TRIO: variants seen among roughly 807,000 people sequenced by gnomAD.
TRIO encodes trio Rho guanine nucleotide exchange factor.
TRIO carries 58 observed loss-of-function variants against 351.9 expected under a neutral mutation model. The observed-to-expected ratio is 0.16, with a 90% CI of 0.13 to 0.21. The LOEUF is 0.21. Among genes scored for constraint, TRIO ranks in the 10% least tolerant of loss-of-function variants. The pLI is 1.00. For missense variants in TRIO, 3,201 were observed against 4,027.8 expected (o/e 0.79, Z 5.56); for synonymous variants, 1,758 against 1,595.7 (o/e 1.10, Z -2.42).
Position 14,485,065 on chromosome 5 carries a change from T to TTA in TRIO, c.6658-4_6658-3insTA. On this transcript the variant is annotated splice_region_variant and splice_polypyrimidine_tract_variant and intron_variant, in intron 46 of 56. Coordinates refer to ENST00000344204, the MANE Select transcript of TRIO (RefSeq NM_007118.4). The stretch of plus-strand genomic sequence containing the variant: ...ATTATGAATAATGTTTTTTTTTTTT[T>TTA]AAGGTGAGTTGCCTTTGCCTGGAGG... The TTA allele has an allele frequency of 6.6e-7, 1 of 1,525,668 alleles. No individual in the cohort carries two copies. The highest frequency in any genetic ancestry group is 1.3e-5 in the South Asian group (1 of 78,516). 94.5% of individuals were successfully genotyped at this position (1,525,668 alleles called of 1,614,324 possible). A position where few individuals can be genotyped will look rare whatever the true frequency, so the allele number is the denominator to read the frequency against.
Position 14,471,460 on chromosome 5 carries a change from G to A in TRIO, c.5906G>A (p.Arg1969Lys), listed in dbSNP as rs1345508748. ...GAAAGGAAATCCAGCTCTTTAAAGA[G>A]AAGACAGTAAGACAGAAATGTTTTC... ...MEERKSSSLKRRHYVLQELVE... is the reference protein window; with the variant it reads ...MEERKSSSLKKRHYVLQELVE... Residue 1969 changes from arginine to lysine, a missense_variant, in exon 38 of 57, where the codon AGA becomes AAA. Physicochemically the swap from Arg to Lys is conservative, Grantham distance 26. Transcript: ENST00000344204. 1 of 1,614,126 alleles carries A rather than the reference G, an allele frequency of 6.2e-7. No individual in the cohort carries two copies. Among genetic ancestry groups the A allele is most frequent in the South Asian group, 1.1e-5 (1 of 91,074 alleles).
chr5:14,293,249 G>T lies in TRIO; in HGVS notation c.1176+115G>T, dbSNP rs116795066. 6.9e-4 allele frequency: 990 copies of T among 1,432,926 alleles called. 8 individuals are homozygous for T. The African/African-American group carries it at 0.012, about 18-fold the overall frequency. 88.8% of individuals were successfully genotyped at this position (1,432,926 alleles called of 1,614,324 possible). On this transcript the variant is annotated intron_variant, in intron 6 of 56. Coordinates refer to ENST00000344204, the MANE Select transcript of TRIO (RefSeq NM_007118.4). ...GGGGCCTTCGGAGTGGCTGTTGATTGTAGCAGCTGACCTTCACATGGAGGG... is the reference window on the plus strand; with the variant it reads ...GGGGCCTTCGGAGTGGCTGTTGATTTTAGCAGCTGACCTTCACATGGAGGG...
intron 34 of TRIO, among the ~76,000 whole-genome samples, chr5:14,445,433 A>C (rs905893793): frequency 2.0e-5 from 3 of 152,246 alleles, no homozygotes; most frequent in Non-Finnish European, 4.4e-5. Context: ...GCAGCCACTA[A>C]TCACGTTGGA....
chr5:14,169,134 A>G (rs1788950064), intron 1 of TRIO, among the ~76,000 whole-genome samples: 1 of 150,502 alleles, frequency 6.6e-6, no homozygotes, highest in South Asian at 2.1e-4. Context: ...GGGAAATTTG[A>G]GACATCCTGG....
chr5:14,495,658 GAAAAAAAAAAAAAAAAAAA>G (rs56018324), intron 49 of TRIO, among the ~76,000 whole-genome samples: 1 of 32,584 alleles, frequency 3.1e-5, no homozygotes, highest in East Asian at 1.4e-3. Context: ...GTCTCTACTA[GAAAAAAAAAAAAAAAAAAA>G]AAAAAAAAAG....
At chr5:14,271,529 A>G (rs1412681311) in intron 2 of TRIO, among the ~76,000 whole-genome samples, 3 of 152,204 alleles carry the variant, frequency 2.0e-5, no homozygotes, top group Non-Finnish European at 2.9e-5. Context: ...TCTTCTGCAC[A>G]TAGTCAGCGT....
At chr5:14,174,713 G>C (rs1236098667) in intron 1 of TRIO, among the ~76,000 whole-genome samples, 1 of 152,214 alleles carries the variant, frequency 6.6e-6, no homozygotes, top group Non-Finnish European at 1.5e-5. Flanking sequence ...GTAGAGGTCA[G>C]ATCGCCAAAT....
chr5:14,444,833 G>T (rs1177917973), intron 34 of TRIO, among the ~76,000 whole-genome samples: 1 of 152,126 alleles, frequency 6.6e-6, no homozygotes, highest in Non-Finnish European at 1.5e-5. Context: ...ATAAAATCTT[G>T]AAATATTAGA....
chr5:14,486,858 G>T (rs553232620), intron 47 of TRIO, among the ~76,000 whole-genome samples: 2 of 152,192 alleles, frequency 1.3e-5, no homozygotes, highest in Admixed American at 1.3e-4. Context: ...GGCTGGGGCT[G>T]GGGGGCTGCA....
intron 34 of TRIO, among the ~76,000 whole-genome samples, chr5:14,457,569 T>C (rs27104): frequency 0.21 from 32,407 of 152,016 alleles, 3,654 homozygotes; most frequent in Middle Eastern, 0.37. Flanking sequence ...CCTTTTCTTC[T>C]TGAACCATTT....
chr5:14,345,466 G>C (rs1742337052), intron 11 of TRIO, among the ~76,000 whole-genome samples: 1 of 152,008 alleles, frequency 6.6e-6, no homozygotes, highest in Admixed American at 6.5e-5. Flanking sequence ...AGTAGGACTT[G>C]ATTAATGTAA....
chr5:14,163,915 A>G (rs998633702), intron 1 of TRIO, among the ~76,000 whole-genome samples: 1 of 152,208 alleles, frequency 6.6e-6, no homozygotes, highest in Non-Finnish European at 1.5e-5. Flanking sequence ...TGTGTCATAC[A>G]GTAGGAAATT....
chr5:14,488,138 G>T lies in TRIO; in HGVS notation c.7510G>T (p.Gly2504Trp). ...CCGACCCGGCTCCTTCACCTTCCCGGGGGACAGCGACTCCCTCCAGCGGCA... is the reference window on the plus strand; with the variant it reads ...CCGACCCGGCTCCTTCACCTTCCCGTGGGACAGCGACTCCCTCCAGCGGCA... ...ASRPGSFTFP[G>W]DSDSLQRQTP... Residue 2504 changes from glycine to tryptophan, a missense_variant, in exon 48 of 57, where the codon GGG (glycine) becomes TGG (tryptophan). Physicochemically the swap from Gly to Trp is radical, Grantham distance 184. This residue lies in a region of TRIO where 1,089 missense variants were observed against 954.9 expected (regional missense o/e 1.14). Coordinates refer to ENST00000344204, the MANE Select transcript of TRIO (RefSeq NM_007118.4). The T allele has an allele frequency of 6.2e-7, 1 of 1,608,168 alleles. No homozygotes were observed. The highest frequency in any genetic ancestry group is 8.5e-7 in the Non-Finnish European group (1 of 1,179,494).
At chr5:14,478,802 A>C (rs1755295241) in intron 41 of TRIO, among the ~76,000 whole-genome samples, 1 of 151,780 alleles carries the variant, frequency 6.6e-6, no homozygotes. Context: ...AAAAAAAAAA[A>C]AAATTAAAAA....
chr5:14,396,557 C>T (rs144914817), intron 28 of TRIO, among the ~76,000 whole-genome samples: 5,016 of 137,240 alleles, frequency 0.037, 302 homozygotes, highest in African/African-American at 0.13. Context: ...GCAGCCTCCA[C>T]CTCCCAGGTT....
intron 33 of TRIO, among the ~76,000 whole-genome samples, chr5:14,410,129 C>G (rs940035328): frequency 6.6e-6 from 1 of 152,172 alleles, no homozygotes; most frequent in Non-Finnish European, 1.5e-5. Flanking sequence ...AGAACCACAG[C>G]GGGTGTCTTA....
Position 14,471,333 on chromosome 5 carries a change from C to T in TRIO, c.5779C>T (p.Pro1927Ser), listed in dbSNP as rs1754668423. The change falls in exon 38 of 57, where the codon CCC (proline) becomes TCC (serine). Residue 1927 changes from proline to serine, a missense_variant. Pro to Ser is a moderately conservative substitution (Grantham distance 74). This residue lies in a region of TRIO where 307 missense variants were observed against 396.5 expected (regional missense o/e 0.77). Transcript: ENST00000344204. ...VKSKMALEDR[P>S]SSLLVDQGDS... Reference sequence around the variant, plus strand: ...TTTCTTCCAGGCACTGGAGGATCGCCCCAGCTCACTCCTTGTTGACCAGGG... The same window carrying T: ...TTTCTTCCAGGCACTGGAGGATCGCTCCAGCTCACTCCTTGTTGACCAGGG... The T allele has an allele frequency of 6.2e-7, 1 of 1,613,900 alleles. No homozygotes were observed. Among genetic ancestry groups the T allele is most frequent in the Non-Finnish European group, 8.5e-7 (1 of 1,179,928 alleles).
At position 14,399,284 on chromosome 5, in the gene TRIO, C is replaced by T. The variant is rs913871162; in HGVS notation, c.4614+214C>T. On this transcript the variant is annotated intron_variant, in intron 30 of 56. Coordinates refer to ENST00000344204, the MANE Select transcript of TRIO (RefSeq NM_007118.4). Reference sequence around the variant, plus strand: ...CTCTGGAGTTTATAGACTTAGGAAACTTGCTCTTCTTAAATCCTGTATCAT... The same window carrying T: ...CTCTGGAGTTTATAGACTTAGGAAATTTGCTCTTCTTAAATCCTGTATCAT... The T allele has an allele frequency of 3.5e-5, 19 of 548,942 alleles. No homozygotes were observed. In the Admixed American group the frequency reaches 3.6e-4, roughly 10 times the overall value. The allele number at this position is 548,942 out of a possible 1,614,324, so 34.0% of individuals were successfully genotyped here. A position where few individuals can be genotyped will look rare whatever the true frequency, so the allele number is the denominator to read the frequency against.
intron 37 of TRIO, among the ~76,000 whole-genome samples, chr5:14,468,770 A>G (rs1754464142): frequency 6.6e-6 from 1 of 152,208 alleles, no homozygotes; most frequent in South Asian, 2.1e-4. Flanking sequence ...TTTATTCTTC[A>G]GAAACTCTGT....
Sources: gnomAD v4.1 joint callset for allele counts (sites outside exome capture counted in the v4.1 genomes callset) on GRCh38, gnomAD v4.1.1 for gene constraint, gnomAD v4.1.1 regional missense constraint, MANE v1.5 for transcripts, NCBI Gene and HGNC (gene_info 2026-07-23, HGNC 2026-07-21) for gene names.